UBA2: variants seen among roughly 807,000 people sequenced by gnomAD.
UBA2 encodes the protein SUMO-activating enzyme subunit 2.
In UBA2, 11 loss-of-function variants were observed where a neutral mutation model predicts 77.2. The ratio of observed to expected loss-of-function variants is 0.14; its 90% CI spans 0.09 to 0.24. UBA2 has a LOEUF of 0.24. Among genes scored for constraint, UBA2 ranks in the 10% least tolerant of loss-of-function variants. UBA2 has a pLI of 1.00. For missense variants in UBA2, 487 were observed against 781.7 expected (o/e 0.62, Z 4.50); for synonymous variants, 278 against 276.7 (o/e 1.00, Z -0.05).
intron 1 of UBA2, 175 bp downstream of exon 1, chr19:34,428,745 C>T (rs544421132): frequency 6.1e-6 from 7 of 1,145,158 alleles, no homozygotes; most frequent in Non-Finnish European, 7.7e-6. Flanking sequence ...GGAGACTGTT[C>T]TTTGGGCACG....
chr19:34,468,557 T>C lies in UBA2; in HGVS notation c.1742-483T>C, dbSNP rs181996551. On this transcript the variant is annotated intron_variant, in intron 16 of 16. Coordinates refer to ENST00000246548, the MANE Select transcript of UBA2 (RefSeq NM_005499.3). ...GATGGTTCCTGGCTTCATCCTCTGC[T>C]ACTATGTAAGCTTGGGAAGTCATTC... 2.6e-4 allele frequency among the ~76,000 whole-genome samples: 40 copies of C among 152,344 alleles called. No homozygotes were observed. In the East Asian group the frequency reaches 7.1e-3, roughly 27 times the overall value.
chr19:34,462,289 C>T (rs2075640044), intron 14 of UBA2, among the ~76,000 whole-genome samples: 1 of 152,146 alleles, frequency 6.6e-6, no homozygotes, highest in Admixed American at 6.5e-5. Flanking sequence ...AAAGTCAGAA[C>T]TTGGAGCCCA....
chr19:34,458,242 C>T (rs2075590127), intron 12 of UBA2, among the ~76,000 whole-genome samples: 1 of 152,096 alleles, frequency 6.6e-6, no homozygotes, highest in Admixed American at 6.6e-5. Flanking sequence ...CCTAGCTAGC[C>T]TAGCCTTTAG....
intron 6 of UBA2, among the ~76,000 whole-genome samples, chr19:34,441,801 G>A (rs2075372331): frequency 6.6e-6 from 1 of 151,862 alleles, no homozygotes; most frequent in Non-Finnish European, 1.5e-5. Flanking sequence ...CACGCCTGTA[G>A]TCCCACCTAC....
intron 3 of UBA2, among the ~76,000 whole-genome samples, chr19:34,433,047 C>T (rs1211677362): frequency 1.3e-5 from 2 of 152,132 alleles, no homozygotes; most frequent in Non-Finnish European, 2.9e-5. Flanking sequence ...TTATGCGTTC[C>T]CAGGCACTTG....
intron 12 of UBA2, among the ~76,000 whole-genome samples, chr19:34,457,511 G>A (rs534981742): frequency 4.6e-5 from 7 of 152,000 alleles, no homozygotes; most frequent in Non-Finnish European, 8.8e-5. Flanking sequence ...TTACCTTCCC[G>A]GTGAAGCCCA....
chr19:34,436,010 C>T (rs1429910819), intron 5 of UBA2, among the ~76,000 whole-genome samples: 1 of 151,314 alleles, frequency 6.6e-6, no homozygotes, highest in African/African-American at 2.4e-5. Context: ...ATCCCAGCTA[C>T]TTGGGAGGCT....
chr19:34,440,976 A>G (rs887132924), intron 6 of UBA2, among the ~76,000 whole-genome samples: 4 of 152,044 alleles, frequency 2.6e-5, no homozygotes, highest in Non-Finnish European at 4.4e-5. Context: ...ATATAAAATA[A>G]AAAGTGTGTC....
Position 34,469,289 on chromosome 19 carries a change from C to T in UBA2, c.*68C>T. On this transcript the variant is annotated 3_prime_UTR_variant, in exon 17 of 17. Transcript: ENST00000246548. Reference sequence around the variant, plus strand: ...TCTGGGCAGAACCAGATTGTTATGTCCTTTGTTCCAAAGGGAAAAAATTGA... The same window carrying T: ...TCTGGGCAGAACCAGATTGTTATGTTCTTTGTTCCAAAGGGAAAAAATTGA... The T allele has an allele frequency of 1.4e-6, 2 of 1,387,290 alleles. No homozygotes were observed. The highest frequency in any genetic ancestry group is 2.6e-5 in the East Asian group (1 of 38,702). 85.9% of individuals were successfully genotyped at this position (1,387,290 alleles called of 1,614,324 possible). A position where few individuals can be genotyped will look rare whatever the true frequency, so the allele number is the denominator to read the frequency against.
intron 1 of UBA2, among the ~76,000 whole-genome samples, chr19:34,429,674 C>CA (rs940309030): frequency 7.9e-5 from 12 of 151,412 alleles, no homozygotes; most frequent in Non-Finnish European, 1.8e-4. Context: ...CCCGTCTCTA[C>CA]AAAAAAAGAA....
In UBA2 at chr19:34,452,132, G is replaced by A. The variant is rs150514452; in HGVS notation, c.1023G>A (p.Glu341=). ...TAGCAGAAAAGGGGGATGGAGCTGA[G>A]CTCATATGGGATAAGGTTCGTTTTG... ...VHLAEKGDGA[E]LIWDKDDPSA... is the part of the protein sequence containing the mutation. Residue 341 remains glutamate (E), a synonymous_variant, in exon 10 of 17, where the codon GAG becomes GAA. Coordinates refer to ENST00000246548, the MANE Select transcript of UBA2 (RefSeq NM_005499.3). 57 of 1,604,400 alleles carry A rather than the reference G, an allele frequency of 3.6e-5. No homozygotes were observed. The highest frequency in any genetic ancestry group is 4.3e-5 in the Non-Finnish European group (50 of 1,173,838).
At position 34,453,623 on chromosome 19, in the gene UBA2, A is replaced by G. The variant is rs1284721158; in HGVS notation, c.1039-637A>G. Among the ~76,000 whole-genome samples, 4 of 151,364 alleles carry G rather than the reference A, an allele frequency of 2.6e-5. No individual in the cohort carries two copies. The East Asian group carries it at 5.9e-4, about 22-fold the overall frequency. The stretch of plus-strand genomic sequence containing the variant: ...ACTGCAGCCTCTGCGTCCCGGGTTC[A>G]AGTGATCCCGCCACCTCAGGCTCCC... On this transcript the variant is annotated intron_variant, in intron 10 of 16. Transcript: ENST00000246548.
Position 34,458,786 on chromosome 19 carries a change from A to C in UBA2, c.1263A>C (p.Gln421His). The C allele has an allele frequency of 2.5e-6, 4 of 1,610,342 alleles. No homozygotes were observed. Among genetic ancestry groups the C allele is most frequent in the Non-Finnish European group, 3.4e-6 (4 of 1,179,054 alleles). The change falls in exon 13 of 17, where the codon CAA becomes CAC. Residue 421 changes from glutamine to histidine, a missense_variant. Physicochemically the swap from Gln to His is conservative, Grantham distance 24 (BLOSUM62 0). Coordinates refer to ENST00000246548, the MANE Select transcript of UBA2 (RefSeq NM_005499.3). ...DQCRTIFLNKQPNPRKKLLVP... is the reference protein window; with the variant it reads ...DQCRTIFLNKHPNPRKKLLVP... ...CTCCAAAGATTTTTTTGAATAAACA[A>C]CCAAACCCAAGAAAGAAGCTTCTTG...
At chr19:34,460,392 C>T in intron 13 of UBA2, 78 bp from the exon 14 acceptor site, 1 of 958,742 alleles carries the variant, frequency 1.0e-6, no homozygotes, top group Non-Finnish European at 1.6e-6. Flanking sequence ...AAGTAAGAGC[C>T]TTTATAGAAG....
chr19:34,463,096 CAAAAAAAAA>C (rs1029404956), intron 14 of UBA2, among the ~76,000 whole-genome samples: 1 of 120,872 alleles, frequency 8.3e-6, no homozygotes, highest in Non-Finnish European at 1.8e-5. Flanking sequence ...GACTCTGTCT[CAAAAAAAAA>C]AAAAAGAAAG....
intron 9 of UBA2, among the ~76,000 whole-genome samples, chr19:34,451,643 G>T (rs1245276855): frequency 6.7e-6 from 1 of 148,240 alleles, no homozygotes; most frequent in Non-Finnish European, 1.5e-5. Context: ...CGCCTCCCGG[G>T]TTCGCGCCAT....
intron 5 of UBA2, among the ~76,000 whole-genome samples, chr19:34,438,079 T>A (rs2075329218): frequency 6.6e-6 from 1 of 152,122 alleles, no homozygotes; most frequent in Admixed American, 6.6e-5. Flanking sequence ...CGTATATCAA[T>A]AAAATGAAGA....
At chr19:34,461,664 C>T (rs910313779) in intron 14 of UBA2, among the ~76,000 whole-genome samples, 8 of 152,140 alleles carry the variant, frequency 5.3e-5, no homozygotes, top group African/African-American at 1.9e-4. Flanking sequence ...ACAGCACTTA[C>T]CAGAATATGT....
chr19:34,453,544 G>A (rs1477338), intron 10 of UBA2, among the ~76,000 whole-genome samples: 98,058 of 145,892 alleles, frequency 0.67, 35,835 homozygotes, highest in Non-Finnish European at 0.82. Context: ...TTTTAATTGA[G>A]ACAGGGTCTC....
Sources: allele counts gnomAD v4.1 joint callset (sites outside exome capture counted in the v4.1 genomes callset), GRCh38; gene constraint gnomAD v4.1.1; transcripts MANE v1.5; gene names NCBI Gene and HGNC (gene_info 2026-07-23, HGNC 2026-07-21).